C12orf42: variants seen among roughly 807,000 people sequenced by gnomAD.
C12orf42 encodes the protein uncharacterized protein C12orf42.
Under a neutral mutation model 21.6 loss-of-function variants are expected in C12orf42, and 25 were observed. The ratio of observed to expected loss-of-function variants is 1.16; its 90% CI spans 0.84 to 1.62. The LOEUF (loss-of-function observed/expected upper bound fraction) is 1.62. Ranked by LOEUF, C12orf42 falls within the 40% of genes most tolerant of loss-of-function variation. C12orf42 has a pLI of 0.00. For synonymous variants in C12orf42, 174 were observed against 175.0 expected (o/e 0.99, Z 0.05); for missense variants, 483 against 459.3 (o/e 1.05, Z -0.47).
chr12:103,541,361 T>C, the C12orf42 span, among the ~76,000 whole-genome samples: 1 of 152,220 alleles, frequency 6.6e-6, no homozygotes, highest in Non-Finnish European at 1.5e-5. Context: ...TAATGACATT[T>C]TGGTCAATGG....
intron 1 of C12orf42, among the ~76,000 whole-genome samples, chr12:103,492,139 G>A (rs1381440053): frequency 2.0e-5 from 3 of 152,114 alleles, no homozygotes; most frequent in African/African-American, 4.8e-5. Flanking sequence ...ATACTTTTTA[G>A]TAGAGATGGG....
At chr12:103,507,205 T>A in the C12orf42 span, among the ~76,000 whole-genome samples, 1 of 34,928 alleles carries the variant, frequency 2.9e-5, no homozygotes, top group African/African-American at 2.2e-4. Context: ...ATATTTATAT[T>A]ATATATATAA....
intron 4 of C12orf42, among the ~76,000 whole-genome samples, chr12:103,362,066 A>T (rs1868555698): frequency 6.6e-6 from 1 of 152,166 alleles, no homozygotes; most frequent in Admixed American, 6.5e-5. Flanking sequence ...AAAACAGTGC[A>T]TTAAACAACC....
At chr12:103,550,539 C>G in the C12orf42 span, 1 of 152,076 alleles carries the variant, frequency 6.6e-6, no homozygotes, top group Non-Finnish European at 1.5e-5. Context: ...ATTCTTGATA[C>G]AAGCCTCTGC....
At chr12:103,165,961 A>G in the C12orf42 span, among the ~76,000 whole-genome samples, 1 of 151,684 alleles carries the variant, frequency 6.6e-6, no homozygotes, top group Non-Finnish European at 1.5e-5. Flanking sequence ...AATGGCGTGA[A>G]CCCGGGAGGG....
chr12:103,412,380 AAG>A (rs2048922213), intron 2 of C12orf42, among the ~76,000 whole-genome samples: 2 of 152,216 alleles, frequency 1.3e-5, no homozygotes, highest in South Asian at 2.1e-4. Context: ...TAAAATTTGA[AAG>A]AGACAGCTGG....
chr12:103,051,551 TTC>T, the C12orf42 span, among the ~76,000 whole-genome samples: 1 of 152,204 alleles, frequency 6.6e-6, no homozygotes, highest in Admixed American at 6.5e-5. Flanking sequence ...GTAAATATTC[TTC>T]TTTTAGGGAT....
chr12:103,242,322 G>A (rs2033787737), intron 10 of C12orf42, among the ~76,000 whole-genome samples: 1 of 152,120 alleles, frequency 6.6e-6, no homozygotes, highest in African/African-American at 2.4e-5. Flanking sequence ...GTTGTGCTAT[G>A]AAACATTTTC....
chr12:103,161,025 G>A, the C12orf42 span, among the ~76,000 whole-genome samples: 3,549 of 152,304 alleles, frequency 0.023, 47 homozygotes, highest in South Asian at 0.035. Context: ...TGAGCATAAC[G>A]TCTGGCATGC....
At chr12:103,256,743 T>C (rs1310797888) in intron 10 of C12orf42, among the ~76,000 whole-genome samples, 3 of 152,024 alleles carry the variant, frequency 2.0e-5, no homozygotes, top group Non-Finnish European at 2.9e-5. Flanking sequence ...AGAAATAGAA[T>C]AAAAAATGAA....
At chr12:103,451,703 G>C (rs1951954216) in intron 2 of C12orf42, among the ~76,000 whole-genome samples, 2 of 151,952 alleles carry the variant, frequency 1.3e-5, no homozygotes, top group Admixed American at 1.3e-4. Flanking sequence ...ACATTTGTTG[G>C]GTCTATTTTC....
chr12:103,445,025 C>T (rs1445325136), intron 2 of C12orf42, among the ~76,000 whole-genome samples: 1 of 151,694 alleles, frequency 6.6e-6, no homozygotes, highest in African/African-American at 2.4e-5. Flanking sequence ...ATACATGAAC[C>T]CACAATCCAA....
chr12:103,553,797 T>A, the C12orf42 span, among the ~76,000 whole-genome samples: 7 of 152,168 alleles, frequency 4.6e-5, no homozygotes, highest in Admixed American at 1.3e-4. Flanking sequence ...GATCTTCATT[T>A]TACCAGAGGA....
chr12:103,164,880 T>A, the C12orf42 span: 1 of 301,930 alleles, frequency 3.3e-6, no homozygotes, highest in South Asian at 3.0e-5. Flanking sequence ...ATTAGGATAT[T>A]AGGATAAAAT....
chr12:103,358,550 C>A (rs1335816340), intron 4 of C12orf42, among the ~76,000 whole-genome samples: 3 of 151,848 alleles, frequency 2.0e-5, no homozygotes, highest in African/African-American at 7.3e-5. Flanking sequence ...TGGTCCTCAC[C>A]TAACAATTCT....
At chr12:103,307,716 T>C (rs74828629) in intron 4 of C12orf42, among the ~76,000 whole-genome samples, 12,568 of 152,086 alleles carry the variant, frequency 0.083, 522 homozygotes, top group East Asian at 0.18. Context: ...AATAATTCCC[T>C]AGATTTACAA....
chr12:103,099,948 G>A, the C12orf42 span, among the ~76,000 whole-genome samples: 1 of 152,164 alleles, frequency 6.6e-6, no homozygotes, highest in Admixed American at 6.5e-5. Context: ...ACTTTGATTA[G>A]AATTTCCTCT....
At chr12:103,214,418 C>G in the C12orf42 span, among the ~76,000 whole-genome samples, 1 of 152,190 alleles carries the variant, frequency 6.6e-6, no homozygotes, top group African/African-American at 2.4e-5. Context: ...TGAACATCCT[C>G]CTTTCCAAAT....
rs971088426 is a variant in C12orf42, at chr12:103,424,136, C to T, written c.79-22461G>A. Among the ~76,000 whole-genome samples the T allele has an allele frequency of 4.6e-5, 7 of 152,242 alleles. No individual in the cohort carries two copies. In the East Asian group the frequency reaches 9.6e-4, roughly 21 times the overall value. ...ATCATGCAGAAGTGAAGCCTTTGAG[C>T]GCAAGCTCCAAAGTGATTAAGATCC... On this transcript the variant is annotated intron_variant, in intron 2 of 5. Transcript: ENST00000548883.
Sources: allele counts gnomAD v4.1 joint callset (sites outside exome capture counted in the v4.1 genomes callset), GRCh38; gene constraint gnomAD v4.1.1; transcripts MANE v1.5; gene names NCBI Gene and HGNC (gene_info 2026-07-23, HGNC 2026-07-21).